The following FNIP2 variants were observed in gnomAD, a reference collection of about 807,000 sequenced individuals.
The protein encoded by FNIP2 is folliculin interacting protein 2, also known as folliculin-interacting protein 2.
FNIP2 carries 32 observed loss-of-function variants against 108.7 expected under a neutral mutation model. That is an observed-to-expected ratio of 0.29 (90% CI 0.22 to 0.40). The LOEUF is 0.40. Among genes scored for constraint, FNIP2 ranks in the 10% least tolerant of loss-of-function variants. The pLI, the probability that FNIP2 is intolerant of heterozygous loss-of-function variation, is 1.00. For missense variants in FNIP2, 1,202 were observed against 1,381.6 expected, an observed-to-expected ratio of 0.87 and a Z score of 2.06; for synonymous variants, 480 against 496.7, an observed-to-expected ratio of 0.97 and a Z score of 0.45.
At chr4:158,865,626 A>T (rs545527999) in intron 12 of FNIP2, among the ~76,000 whole-genome samples, 1 of 152,340 alleles carries the variant, frequency 6.6e-6, no homozygotes, top group South Asian at 2.1e-4. Context: ...ATTTTGGATA[A>T]GTAATGCTTC....
intron 14 of FNIP2, among the ~76,000 whole-genome samples, chr4:158,876,659 GACTT>G (rs1781299018): frequency 6.6e-6 from 1 of 152,188 alleles, no homozygotes; most frequent in South Asian, 2.1e-4. Flanking sequence ...AGAAAGCAGG[GACTT>G]TATTTTCCTT....
intron 6 of FNIP2, chr4:158,834,822 A>G (rs2126600381): frequency 6.6e-6 from 1 of 152,534 alleles, no homozygotes; most frequent in Non-Finnish European, 1.5e-5. Context: ...TTTCTAAGTA[A>G]CTCTACAATA....
At chr4:158,869,550 C>A (rs1455727517) in intron 13 of FNIP2, 122 bp downstream of exon 13, 1 of 1,301,672 alleles carries the variant, frequency 7.7e-7, no homozygotes, top group Non-Finnish European at 1.0e-6. Context: ...TTTTTTTCCA[C>A]AAAGTACTAG....
At chr4:158,833,884 T>C (rs1778625982) in intron 6 of FNIP2, 2 of 1,422,128 alleles carry the variant, frequency 1.4e-6, no homozygotes, top group Non-Finnish European at 1.8e-6. Context: ...TGCTTCTTTC[T>C]TTGCAGGTTT....
At chr4:158,795,944 C>G (rs1302574618) in intron 1 of FNIP2, 3 of 152,240 alleles carry the variant, frequency 2.0e-5, no homozygotes, top group Non-Finnish European at 4.4e-5. Flanking sequence ...AAGCCAGTCC[C>G]TGGTCCTGGA....
chr4:158,895,677 A>G (rs952325559), intron 15 of FNIP2, 73 bp from the exon 16 acceptor site: 8 of 936,188 alleles, frequency 8.5e-6, no homozygotes, highest in African/African-American at 1.6e-5. Context: ...ATGAATTAAG[A>G]AAATTCTGAC....
chr4:158,797,244 G>T (rs1375850592), intron 1 of FNIP2, among the ~76,000 whole-genome samples: 1 of 152,180 alleles, frequency 6.6e-6, no homozygotes, highest in Non-Finnish European at 1.5e-5. Context: ...AACCAAAACT[G>T]AAGGAGAACT....
chr4:158,835,489 T>C lies in FNIP2; in HGVS notation c.727+13T>C. 2 of 1,609,770 alleles carry C rather than the reference T, an allele frequency of 1.2e-6. No homozygotes were observed. Among genetic ancestry groups the C allele is most frequent in the Non-Finnish European group, 1.7e-6 (2 of 1,176,982 alleles). ...ATTGCTCGATCAGGTACTTGTACTC[T>C]GTTTATTGGTTTAACTAACAGAGTG... On this transcript the variant is annotated intron_variant, in intron 7 of 16. Transcript: ENST00000264433.
At chr4:158,809,426 C>T (rs1410957014) in intron 1 of FNIP2, among the ~76,000 whole-genome samples, 1 of 151,994 alleles carries the variant, frequency 6.6e-6, no homozygotes, top group Non-Finnish European at 1.5e-5. Context: ...GCCACTGCAC[C>T]CCAGCCTGGG....
In FNIP2 at chr4:158,785,087, C is replaced by CTTTTTTTTTTTTTTT. The variant is rs397805773; in HGVS notation, c.107+15771_107+15785dup. On this transcript the variant is annotated intron_variant, in intron 1 of 16. Coordinates refer to ENST00000264433, the MANE Select transcript of FNIP2 (RefSeq NM_020840.3). ...TTATTAGCCAGTATATAAAGTTCCT[C>CTTTTTTTTTTTTTTT]TTTTTTTTTTTTTTTTTGAGCCAGA... 7.6e-4 allele frequency among the ~76,000 whole-genome samples: 94 copies of CTTTTTTTTTTTTTTT among 123,160 alleles called. 6 individuals are homozygous for CTTTTTTTTTTTTTTT. The highest frequency in any genetic ancestry group is 5.0e-3 in the Middle Eastern group (1 of 202). The allele number at this position is 123,160 out of a possible 152,430, so 80.8% of individuals were successfully genotyped here. A position where few individuals can be genotyped will look rare whatever the true frequency, so the allele number is the denominator to read the frequency against.
In FNIP2 at chr4:158,900,034, C is replaced by T. The variant is rs1266120839; in HGVS notation, c.3266+4169C>T. Among the ~76,000 whole-genome samples, 7 of 152,150 alleles carry T rather than the reference C, an allele frequency of 4.6e-5. No homozygotes were observed. The South Asian group carries it at 8.3e-4, about 18-fold the overall frequency. On this transcript the variant is annotated intron_variant, in intron 16 of 16. Coordinates refer to ENST00000264433, the MANE Select transcript of FNIP2 (RefSeq NM_020840.3). ...CTGCTTTAAATGTGTCCTAAAGATT[C>T]GGGTACACTGTGTCATTGTTCTCAT...
At position 158,769,122 on chromosome 4, in the gene FNIP2, C is replaced by A; in HGVS notation, c.-91C>A. ...GCAAGGCTGGGCGGCCGCGCCGCCG[C>A]GATGGCCCCGCCACCGCGGCCGCCG... On this transcript the variant is annotated 5_prime_UTR_variant, in exon 1 of 17. Transcript: ENST00000264433. 2.3e-6 allele frequency: 1 copy of A among 427,130 alleles called. No homozygotes were observed. The highest frequency in any genetic ancestry group is 2.2e-5 in the African/African-American group (1 of 46,078). 26.5% of individuals were successfully genotyped at this position (427,130 alleles called of 1,614,324 possible).
intron 15 of FNIP2, among the ~76,000 whole-genome samples, chr4:158,893,871 T>G (rs1460895781): frequency 6.6e-6 from 1 of 152,220 alleles, no homozygotes; most frequent in Non-Finnish European, 1.5e-5. Flanking sequence ...TTTTACTTCC[T>G]TTGGACAGAA....
intron 12 of FNIP2, among the ~76,000 whole-genome samples, chr4:158,863,273 C>A (rs1253001911): frequency 6.6e-6 from 1 of 152,206 alleles, no homozygotes; most frequent in Non-Finnish European, 1.5e-5. Context: ...CAGGTAGAAG[C>A]ACTTGCTTTG....
chr4:158,816,366 G>C (rs988457956), intron 1 of FNIP2, among the ~76,000 whole-genome samples: 1 of 152,094 alleles, frequency 6.6e-6, no homozygotes, highest in African/African-American at 2.4e-5. Flanking sequence ...AAATGAGGGA[G>C]GGGAAAGATA....
At chr4:158,848,961 A>T (rs534792332) in intron 7 of FNIP2, among the ~76,000 whole-genome samples, 74 of 152,236 alleles carry the variant, frequency 4.9e-4, no homozygotes, top group African/African-American at 1.8e-3. Context: ...TTGTAATTGG[A>T]CAAAAGGGGG....
intron 11 of FNIP2, 57 bp from the exon 12 acceptor site, chr4:158,861,550 G>A (rs1578931116): frequency 6.2e-7 from 1 of 1,613,586 alleles, no homozygotes; most frequent in Non-Finnish European, 8.5e-7. Flanking sequence ...GTACTGCATA[G>A]GATGTGCCTC....
At chr4:158,875,515 G>GAGATATATATATAT (rs1553964261) in intron 14 of FNIP2, among the ~76,000 whole-genome samples, 1 of 111,982 alleles carries the variant, frequency 8.9e-6, no homozygotes, top group Non-Finnish European at 1.7e-5. Context: ...GCCTGGCTGT[G>GAGATATATATATAT]ATATATATAT....
At chr4:158,857,032 A>G (rs772504151) in intron 8 of FNIP2, among the ~76,000 whole-genome samples, 8 of 152,178 alleles carry the variant, frequency 5.3e-5, no homozygotes, top group Non-Finnish European at 8.8e-5. Flanking sequence ...TATTATAGCT[A>G]TGGAAGTTTT....
Sources: gnomAD v4.1 joint callset for allele counts (sites outside exome capture counted in the v4.1 genomes callset) on GRCh38, gnomAD v4.1.1 for gene constraint, MANE v1.5 for transcripts, NCBI Gene and HGNC (gene_info 2026-07-23, HGNC 2026-07-21) for gene names.